The following CNTNAP2 variants were observed in gnomAD, a reference collection of about 807,000 sequenced individuals.
The protein encoded by CNTNAP2 is contactin-associated protein-like 2.
CNTNAP2 carries 98 observed loss-of-function variants against 155.2 expected under a neutral mutation model. The observed-to-expected ratio is 0.63, with a 90% CI of 0.54 to 0.75. CNTNAP2 has a LOEUF of 0.75. Ranked by LOEUF, CNTNAP2 falls within the 30% of genes least tolerant of loss-of-function variation. The pLI, the probability that CNTNAP2 is intolerant of heterozygous loss-of-function variation, is 0.00. For synonymous variants in CNTNAP2, 651 were observed against 631.2 expected, an observed-to-expected ratio of 1.03 and a Z score of -0.47; for missense variants, 1,727 against 1,688.1, an observed-to-expected ratio of 1.02 and a Z score of -0.40.
chr7:147,445,112 G>T (rs1477339000), intron 10 of CNTNAP2, among the ~76,000 whole-genome samples: 1 of 152,070 alleles, frequency 6.6e-6, no homozygotes, highest in Non-Finnish European at 1.5e-5. Flanking sequence ...CCAACTATGG[G>T]ATTAAAATTC....
intron 1 of CNTNAP2, among the ~76,000 whole-genome samples, chr7:146,312,596 T>A (rs1384499065): frequency 6.6e-6 from 1 of 152,194 alleles, no homozygotes; most frequent in African/African-American, 2.4e-5. Flanking sequence ...TAAAACTTTT[T>A]AAAAACAAAT....
chr7:146,502,045 T>A (rs550130750), intron 1 of CNTNAP2, among the ~76,000 whole-genome samples: 1 of 152,016 alleles, frequency 6.6e-6, no homozygotes. Flanking sequence ...AATCTACTCC[T>A]AACTACATGA....
chr7:147,078,278 G>A (rs1459523645), intron 4 of CNTNAP2, among the ~76,000 whole-genome samples: 1 of 152,198 alleles, frequency 6.6e-6, no homozygotes, highest in Non-Finnish European at 1.5e-5. Context: ...AAAGAGTTAA[G>A]TACGTTGCTG....
intron 12 of CNTNAP2, among the ~76,000 whole-genome samples, chr7:147,633,324 G>T (rs537952850): frequency 1.3e-5 from 2 of 152,322 alleles, no homozygotes; most frequent in South Asian, 2.1e-4. Flanking sequence ...GTATGGAAAT[G>T]CCTGGATGTC....
At chr7:146,962,562 G>T (rs917485237) in intron 3 of CNTNAP2, among the ~76,000 whole-genome samples, 7 of 152,090 alleles carry the variant, frequency 4.6e-5, no homozygotes, top group African/African-American at 1.7e-4. Flanking sequence ...TTGTTTGTTT[G>T]TTTTTTGAGA....
chr7:146,801,505 C>G (rs1218835759), intron 2 of CNTNAP2, among the ~76,000 whole-genome samples: 1 of 152,126 alleles, frequency 6.6e-6, no homozygotes, highest in African/African-American at 2.4e-5. Context: ...AAGATTTATT[C>G]AGGCATAAAA....
At chr7:146,912,637 C>A (rs182975329) in intron 3 of CNTNAP2, among the ~76,000 whole-genome samples, 8 of 152,164 alleles carry the variant, frequency 5.3e-5, no homozygotes, top group Middle Eastern at 3.4e-3. Flanking sequence ...AAGAAAGAGT[C>A]CTTATTCTAA....
intron 21 of CNTNAP2, among the ~76,000 whole-genome samples, chr7:148,310,739 G>A (rs1344713323): frequency 6.6e-6 from 1 of 152,092 alleles, no homozygotes; most frequent in Non-Finnish European, 1.5e-5. Flanking sequence ...CAAAACTGGA[G>A]ATGCAAAGTA....
intron 14 of CNTNAP2, among the ~76,000 whole-genome samples, chr7:147,925,321 CA>C: frequency 6.9e-6 from 1 of 144,918 alleles, no homozygotes; most frequent in Non-Finnish European, 1.6e-5. Context: ...CACACACACA[CA>C]CACACACACA....
intron 12 of CNTNAP2, among the ~76,000 whole-genome samples, chr7:147,577,306 T>G (rs80296396): frequency 6.6e-6 from 1 of 152,214 alleles, no homozygotes; most frequent in East Asian, 1.9e-4. Flanking sequence ...TAATATATCC[T>G]TATTACCATA....
chr7:146,468,170 A>G (rs1796742434), intron 1 of CNTNAP2, among the ~76,000 whole-genome samples: 1 of 152,192 alleles, frequency 6.6e-6, no homozygotes, highest in African/African-American at 2.4e-5. Flanking sequence ...GAGAAAGTCA[A>G]CGAAGAAAAC....
At chr7:146,528,840 G>A (rs1298733222) in intron 1 of CNTNAP2, among the ~76,000 whole-genome samples, 4 of 152,088 alleles carry the variant, frequency 2.6e-5, no homozygotes, top group Non-Finnish European at 4.4e-5. Flanking sequence ...TATGCAGGAT[G>A]AGCTCAGTTA....
intron 1 of CNTNAP2, among the ~76,000 whole-genome samples, chr7:146,602,859 A>G (rs1798972730): frequency 6.6e-6 from 1 of 152,190 alleles, no homozygotes; most frequent in African/African-American, 2.4e-5. Context: ...GAGACCAAAT[A>G]CTATTAAAAT....
At chr7:146,702,728 T>C (rs1800898024) in intron 1 of CNTNAP2, among the ~76,000 whole-genome samples, 1 of 152,194 alleles carries the variant, frequency 6.6e-6, no homozygotes, top group Non-Finnish European at 1.5e-5. Flanking sequence ...AGGTGGAATG[T>C]CTCAATTCTG....
intron 4 of CNTNAP2, among the ~76,000 whole-genome samples, chr7:147,060,519 G>A (rs1203435033): frequency 2.6e-5 from 4 of 152,074 alleles, no homozygotes; most frequent in East Asian, 1.9e-4. Context: ...TCAGGAGATC[G>A]AGACCATCCT....
chr7:146,915,461 ATTTG>A (rs1796373764), intron 3 of CNTNAP2, among the ~76,000 whole-genome samples: 1 of 152,100 alleles, frequency 6.6e-6, no homozygotes, highest in East Asian at 1.9e-4. Context: ...ATGTGTTTCC[ATTTG>A]TTTGTGTCAT....
Position 147,463,767 on chromosome 7 carries a change from A to G in CNTNAP2, c.1671-22168A>G, listed in dbSNP as rs149122628. On this transcript the variant is annotated intron_variant, in intron 10 of 23. Coordinates refer to ENST00000361727, the MANE Select transcript of CNTNAP2 (RefSeq NM_014141.6). ...ACAAACATTGCCTTCCAAACGGAAT[A>G]GCAGGTTTTCCAGGAAATTAGGTAA... Among the ~76,000 whole-genome samples, 517 of 152,328 alleles carry G rather than the reference A, an allele frequency of 3.4e-3. 5 individuals carry two copies. The highest frequency in any genetic ancestry group is 9.4e-3 in the African/African-American group (389 of 41,570).
intron 13 of CNTNAP2, among the ~76,000 whole-genome samples, chr7:147,873,718 C>A (rs189902328): frequency 6.6e-5 from 10 of 152,272 alleles, no homozygotes; most frequent in African/African-American, 2.2e-4. Context: ...TTCCAACGGA[C>A]CTCCAAAGTC....
At chr7:147,969,403 G>A (rs977544649) in intron 14 of CNTNAP2, among the ~76,000 whole-genome samples, 1 of 152,034 alleles carries the variant, frequency 6.6e-6, no homozygotes, top group Non-Finnish European at 1.5e-5. Context: ...TTGGAAAACT[G>A]GTGGCTTTCA....
Sources: allele counts gnomAD v4.1 joint callset (sites outside exome capture counted in the v4.1 genomes callset), GRCh38; gene constraint gnomAD v4.1.1; transcripts MANE v1.5; gene names NCBI Gene and HGNC (gene_info 2026-07-23, HGNC 2026-07-21).